Variants in SDK1 observed in about 807,000 individuals in gnomAD.
SDK1 encodes the protein sidekick cell adhesion molecule 1.
A neutral mutation model predicts 245.5 loss-of-function variants in SDK1; 157 were observed. The observed-to-expected ratio is 0.64, with a 90% CI of 0.56 to 0.73. SDK1 has a LOEUF of 0.73. Among genes scored for constraint, SDK1 ranks in the 30% least tolerant of loss-of-function variants. The probability of loss-of-function intolerance (pLI) is 0.00; values close to 1 mark genes in which losing one functional copy is unlikely to be tolerated. For missense variants in SDK1, 3,583 were observed against 3,002.3 expected (o/e 1.19, Z -4.52); for synonymous variants, 1,647 against 1,278.5 (o/e 1.29, Z -6.15).
At chr7:4,201,784 T>G (rs542706384) in intron 35 of SDK1, among the ~76,000 whole-genome samples, 2 of 143,868 alleles carry the variant, frequency 1.4e-5, no homozygotes, top group Non-Finnish European at 1.5e-5. Context: ...AACAACAGAT[T>G]ACTGGCATGG....
At chr7:3,515,548 C>A (rs544498445) in intron 1 of SDK1, among the ~76,000 whole-genome samples, 1 of 152,188 alleles carries the variant, frequency 6.6e-6, no homozygotes, top group African/African-American at 2.4e-5. Context: ...TATTTGTGAT[C>A]AAATCAAGTG....
chr7:4,160,516 G>A (rs1781045862), intron 31 of SDK1, among the ~76,000 whole-genome samples: 1 of 152,188 alleles, frequency 6.6e-6, no homozygotes, highest in African/African-American at 2.4e-5. Context: ...CATTGTATTT[G>A]TGTTGTATTG....
chr7:3,784,389 G>T (rs753635895), intron 4 of SDK1, among the ~76,000 whole-genome samples: 1 of 151,960 alleles, frequency 6.6e-6, no homozygotes, highest in Admixed American at 6.6e-5. Flanking sequence ...ATGGATTAAA[G>T]TCTTAAATAT....
chr7:3,891,615 A>C (rs994037099), intron 5 of SDK1, among the ~76,000 whole-genome samples: 2 of 152,042 alleles, frequency 1.3e-5, no homozygotes, highest in African/African-American at 4.8e-5. Flanking sequence ...TCTAAACTCA[A>C]TTCCAAGTAC....
intron 35 of SDK1, among the ~76,000 whole-genome samples, chr7:4,192,242 CTG>C (rs1273716382): frequency 6.6e-6 from 1 of 152,198 alleles, no homozygotes; most frequent in East Asian, 1.9e-4. Flanking sequence ...CTTTGCGTCT[CTG>C]TGACAGCATC....
At chr7:3,857,686 C>CAA (rs76491789) in intron 5 of SDK1, among the ~76,000 whole-genome samples, 81 of 138,640 alleles carry the variant, frequency 5.8e-4, no homozygotes, top group East Asian at 5.1e-3. Flanking sequence ...GACCCTGTCT[C>CAA]AAAAAAAAAA....
At chr7:3,553,195 C>T (rs1469746714) in intron 1 of SDK1, among the ~76,000 whole-genome samples, 1 of 152,048 alleles carries the variant, frequency 6.6e-6, no homozygotes, top group Non-Finnish European at 1.5e-5. Flanking sequence ...TATTTCATAG[C>T]AGGCAGTGAT....
At chr7:3,841,416 C>G (rs1334528659) in intron 5 of SDK1, among the ~76,000 whole-genome samples, 1 of 152,132 alleles carries the variant, frequency 6.6e-6, no homozygotes, top group East Asian at 1.9e-4. Flanking sequence ...GGAGCAAAAC[C>G]ATTTGCTTGG....
In SDK1 at chr7:4,238,064, C is replaced by T. The variant is rs117939179; in HGVS notation, c.6130+280C>T. Among the ~76,000 whole-genome samples, 1,181 of 151,792 alleles carry T rather than the reference C, an allele frequency of 7.8e-3. 11 individuals carry two copies. Among genetic ancestry groups the T allele is most frequent in the South Asian group, 0.019 (92 of 4,772 alleles). ...TCATCCAGCCTCAGAGATCCCCACTCTGTACCTTTGTTCAAATGCAATTGC... is the reference window on the plus strand; with the variant it reads ...TCATCCAGCCTCAGAGATCCCCACTTTGTACCTTTGTTCAAATGCAATTGC... On this transcript the variant is annotated intron_variant, in intron 42 of 44. Coordinates refer to ENST00000404826, the MANE Select transcript of SDK1 (RefSeq NM_152744.4).
At chr7:3,940,960 C>T (rs569987962) in intron 5 of SDK1, among the ~76,000 whole-genome samples, 104 of 152,036 alleles carry the variant, frequency 6.8e-4, no homozygotes, top group African/African-American at 2.4e-3. Context: ...CCTGAACCTG[C>T]GCACCTGGGT....
intron 1 of SDK1, among the ~76,000 whole-genome samples, chr7:3,343,279 T>G (rs1780398235): frequency 6.6e-6 from 1 of 152,204 alleles, no homozygotes; most frequent in South Asian, 2.1e-4. Context: ...CAGATGTCCT[T>G]CAGTGAACGC....
chr7:4,175,685 G>C (rs1584371798), intron 33 of SDK1, 90 bp from the exon 34 acceptor site: 1 of 1,069,112 alleles, frequency 9.4e-7, no homozygotes, highest in Non-Finnish European at 1.5e-6. Context: ...TCCCAGTAAG[G>C]CACCTGTCTC....
intron 14 of SDK1, among the ~76,000 whole-genome samples, chr7:3,988,755 C>T (rs1170302526): frequency 6.6e-6 from 1 of 152,130 alleles, no homozygotes; most frequent in East Asian, 1.9e-4. Flanking sequence ...GCACGCCAGC[C>T]CGATTTCACC....
chr7:3,612,864 T>C (rs77683859), intron 1 of SDK1, among the ~76,000 whole-genome samples: 3,386 of 152,288 alleles, frequency 0.022, 138 homozygotes, highest in African/African-American at 0.077. Context: ...CAGCTCATCG[T>C]CACTTCACCG....
At chr7:3,495,322 A>G (rs982288847) in intron 1 of SDK1, among the ~76,000 whole-genome samples, 22 of 141,880 alleles carry the variant, frequency 1.6e-4, no homozygotes, top group Middle Eastern at 3.9e-3. Context: ...CAGTGTTGCA[A>G]TCTCGGCTCA....
chr7:4,046,820 AT>A (rs36034512), intron 17 of SDK1, among the ~76,000 whole-genome samples: 36,725 of 147,682 alleles, frequency 0.25, 6,169 homozygotes, highest in African/African-American at 0.5. Flanking sequence ...TCTAGCTGTG[AT>A]TTTTTTTTTT....
intron 1 of SDK1, among the ~76,000 whole-genome samples, chr7:3,513,830 A>T (rs1228840012): frequency 6.6e-6 from 1 of 151,920 alleles, no homozygotes; most frequent in Admixed American, 6.6e-5. Flanking sequence ...TCACATCTTT[A>T]TATCCATGTG....
At chr7:3,772,459 T>C (rs1246722410) in intron 4 of SDK1, among the ~76,000 whole-genome samples, 1 of 152,210 alleles carries the variant, frequency 6.6e-6, no homozygotes, top group Middle Eastern at 3.2e-3. Context: ...CATCAATAAT[T>C]TTTAAAAATG....
chr7:3,903,941 T>C (rs1004153374), intron 5 of SDK1, among the ~76,000 whole-genome samples: 6 of 152,160 alleles, frequency 3.9e-5, no homozygotes, highest in Admixed American at 2.0e-4. Context: ...TCTGGCCATG[T>C]AATCTTCGCA....
Sources: allele counts gnomAD v4.1 joint callset (sites outside exome capture counted in the v4.1 genomes callset), GRCh38; gene constraint gnomAD v4.1.1; transcripts MANE v1.5; gene names NCBI Gene and HGNC (gene_info 2026-07-23, HGNC 2026-07-21).